The following DAAM2 variants were observed in gnomAD, a reference collection of about 807,000 sequenced individuals.
DAAM2 encodes dishevelled associated activator of morphogenesis 2.
DAAM2 carries 39 observed loss-of-function variants against 120.7 expected under a neutral mutation model. That is an observed-to-expected ratio of 0.32 (90% CI 0.25 to 0.42). DAAM2 has a LOEUF of 0.42. Among genes scored for constraint, DAAM2 ranks in the 10% least tolerant of loss-of-function variants. DAAM2 has a pLI of 1.00. For missense variants in DAAM2, 1,283 were observed against 1,401.7 expected (o/e 0.92, Z 1.35); for synonymous variants, 488 against 524.9 (o/e 0.93, Z 0.96).
intron 1 of DAAM2, among the ~76,000 whole-genome samples, chr6:39,814,043 C>G (rs898355345): frequency 6.6e-5 from 10 of 152,302 alleles, no homozygotes; most frequent in African/African-American, 2.4e-4. Context: ...TCTTTTAAAT[C>G]AAGCTTGTTC....
rs530209451 is a variant in DAAM2, at chr6:39,900,052, G to A, written c.2680-25G>A. 7.5e-6 allele frequency: 12 copies of A among 1,595,552 alleles called. No homozygotes were observed. The Admixed American group carries it at 1.0e-4, about 14-fold the overall frequency. On this transcript the variant is annotated intron_variant, in intron 22 of 24. Coordinates refer to ENST00000274867, the MANE Select transcript of DAAM2 (RefSeq NM_001201427.2). ...GACTCTCATCTTGGCACCAGTCTAA[G>A]CAGCACTTCACCCTCCCTCCTCAGG...
At chr6:39,847,753 C>A (rs893661062) in intron 1 of DAAM2, among the ~76,000 whole-genome samples, 1 of 152,080 alleles carries the variant, frequency 6.6e-6, no homozygotes, top group African/African-American at 2.4e-5. Flanking sequence ...GACTTGCCTC[C>A]CAACTCTTCC....
At chr6:39,833,299 C>T (rs1036449454) in intron 1 of DAAM2, among the ~76,000 whole-genome samples, 1 of 151,846 alleles carries the variant, frequency 6.6e-6, no homozygotes, top group Non-Finnish European at 1.5e-5. Context: ...TTGCTTTGCT[C>T]CCTCCCTTCC....
chr6:39,904,164 A>T lies in DAAM2; in HGVS notation c.*2127A>T, dbSNP rs1404497808. ...GCACCTGGAAACAAAAGGACTATGG[A>T]AGCTGTTCAAGATACATTTGATCTT... is the stretch of plus-strand genomic sequence containing the variant. On this transcript the variant is annotated 3_prime_UTR_variant, in exon 25 of 25. Transcript: ENST00000274867. 1 of 456,326 alleles carries T rather than the reference A, an allele frequency of 2.2e-6. No individual in the cohort carries two copies. Among genetic ancestry groups the T allele is most frequent in the Non-Finnish European group, 4.4e-6 (1 of 226,918 alleles). The allele number at this position is 456,326 out of a possible 1,614,324, so 28.3% of individuals were successfully genotyped here.
chr6:39,878,940 A>G lies in DAAM2; in HGVS notation c.1546-238A>G, dbSNP rs4354147. On this transcript the variant is annotated intron_variant, in intron 13 of 24. Transcript: ENST00000274867. This position sits in a 1 kb window ranked among gnomAD's most constrained non-coding sequence, Gnocchi z 5.0. ...TTGCATTGTGATGGCTATGACTCTGATTGTCCAGTGTCCGTGTGCGTGACG... is the reference window on the plus strand; with the variant it reads ...TTGCATTGTGATGGCTATGACTCTGGTTGTCCAGTGTCCGTGTGCGTGACG... Among the ~76,000 whole-genome samples the G allele has an allele frequency of 0.093, 14,106 of 151,734 alleles. 1,332 individuals are homozygous for G. Among genetic ancestry groups the G allele is most frequent in the African/African-American group, 0.24 (9,868 of 41,292 alleles).
At chr6:39,877,640 C>A (rs1224072843) in intron 11 of DAAM2, among the ~76,000 whole-genome samples, 1 of 152,172 alleles carries the variant, frequency 6.6e-6, no homozygotes, top group Non-Finnish European at 1.5e-5. Context: ...TCTGTTAGGC[C>A]TTGGTGTCAA....
chr6:39,845,645 TCTC>T (rs955705913), intron 1 of DAAM2, among the ~76,000 whole-genome samples: 2 of 151,968 alleles, frequency 1.3e-5, no homozygotes, highest in Admixed American at 1.3e-4. Context: ...ATGTCTTCTC[TCTC>T]CTCCTCCCTC....
chr6:39,795,082 C>A (rs773811241), intron 1 of DAAM2, among the ~76,000 whole-genome samples: 1 of 152,098 alleles, frequency 6.6e-6, no homozygotes, highest in Non-Finnish European at 1.5e-5. Context: ...TCACTATGGC[C>A]GGGATGAATT....
chr6:39,876,567 T>A (rs2149325287), intron 11 of DAAM2, among the ~76,000 whole-genome samples: 1 of 151,736 alleles, frequency 6.6e-6, no homozygotes, highest in East Asian at 1.9e-4. Flanking sequence ...GTAACAGGAG[T>A]CCTAAGATCA....
rs760696066 is a variant in DAAM2, at chr6:39,883,990, A to C, written c.1874A>C (p.Glu625Ala). ...CGTGTCCCTGGCACCGTATGGAATG[A>C]GATTGATGACATGCAGGTATTTCGG... Reference protein sequence around the residue: ...EERVPGTVWNEIDDMQVFRIL... With the variant: ...EERVPGTVWNAIDDMQVFRIL... The change falls in exon 15 of 25, where the codon GAG (glutamate) becomes GCG (alanine). Residue 625 changes from glutamate to alanine, a missense_variant. Glu to Ala is a moderately radical substitution (Grantham distance 107, BLOSUM62 -1). Around this residue, in one of 3 missense-constraint regions of DAAM2, gnomAD observed 748 missense variants for 768.6 expected, o/e 0.97. Coordinates refer to ENST00000274867, the MANE Select transcript of DAAM2 (RefSeq NM_001201427.2). The C allele has an allele frequency of 3.1e-6, 5 of 1,613,416 alleles. No homozygotes were observed. In the South Asian group the frequency reaches 5.5e-5, roughly 18 times the overall value.
chr6:39,831,797 G>C (rs1000934392), intron 1 of DAAM2, among the ~76,000 whole-genome samples: 2 of 55,318 alleles, frequency 3.6e-5, no homozygotes, highest in Non-Finnish European at 6.7e-5. Flanking sequence ...AGGTGCACTG[G>C]GGGGGGGCAG....
Position 39,901,567 on chromosome 6 carries a change from T to A in DAAM2, c.2982+95T>A. On this transcript the variant is annotated intron_variant, in intron 24 of 24. Transcript: ENST00000274867. This position sits in a 1 kb window ranked among gnomAD's most constrained non-coding sequence, Gnocchi z 4.5. ...GGGTGTGTGGGAGGAGGGCAGAGAC[T>A]GAGGAACTGAGGAACACCATAGGGG... 7.7e-7 allele frequency: 1 copy of A among 1,299,830 alleles called. No individual in the cohort carries two copies. Among genetic ancestry groups the A allele is most frequent in the Non-Finnish European group, 1.0e-6 (1 of 953,674 alleles). The allele number at this position is 1,299,830 out of a possible 1,614,324, so 80.5% of individuals were successfully genotyped here.
chr6:39,839,389 C>T (rs1308212855), intron 1 of DAAM2, among the ~76,000 whole-genome samples: 1 of 152,166 alleles, frequency 6.6e-6, no homozygotes, highest in African/African-American at 2.4e-5. Flanking sequence ...CGTAAATGCA[C>T]TAGGTAGACT....
At chr6:39,828,926 CAA>C (rs1762779740) in intron 1 of DAAM2, among the ~76,000 whole-genome samples, 1 of 152,146 alleles carries the variant, frequency 6.6e-6, no homozygotes, top group African/African-American at 2.4e-5. Context: ...GATTAAGTTT[CAA>C]CATATGCATT....
chr6:39,866,754 T>A (rs976350019), intron 5 of DAAM2, among the ~76,000 whole-genome samples: 1 of 152,108 alleles, frequency 6.6e-6, no homozygotes, highest in Admixed American at 6.5e-5. Context: ...TACTGAGGAG[T>A]GTAAATGGTA....
chr6:39,814,636 G>A (rs1762258398), intron 1 of DAAM2, among the ~76,000 whole-genome samples: 1 of 152,260 alleles, frequency 6.6e-6, no homozygotes, highest in Non-Finnish European at 1.5e-5. Context: ...GCAGCTTCTA[G>A]TTCCATGGAA....
intron 16 of DAAM2, 139 bp downstream of exon 16, chr6:39,887,731 G>A: frequency 1.6e-6 from 1 of 621,496 alleles, no homozygotes; most frequent in Non-Finnish European, 2.9e-6. Context: ...TGTCTCTCGG[G>A]AACCTGCCTT....
intron 9 of DAAM2, 150 bp from the exon 10 acceptor site, chr6:39,873,088 T>C: frequency 1.6e-6 from 1 of 617,754 alleles, no homozygotes; most frequent in South Asian, 1.9e-5. Flanking sequence ...CCTGTTCCTT[T>C]TGTCTTTCTC....
Position 39,868,896 on chromosome 6 carries a change from C to T in DAAM2, c.836C>T (p.Ser279Phe), listed in dbSNP as rs551076398. The T allele has an allele frequency of 2.4e-4, 383 of 1,586,610 alleles. 6 individuals carry two copies. In the South Asian group the frequency reaches 4.3e-3, roughly 18 times the overall value. ...DEVNLKTAIM[S>F]FINAVLNAGA... is the part of the protein sequence containing the mutation. ...GTGAATCTGAAAACAGCCATCATGT[C>T]CTTCATCAATGCTGTCCTCAATGCT... The change falls in exon 7 of 25, where the codon TCC becomes TTC. Residue 279 changes from serine to phenylalanine, a missense_variant. By Grantham distance (155) the Ser-to-Phe change is radical. Around this residue, in one of 3 missense-constraint regions of DAAM2, gnomAD observed 338 missense variants for 443.9 expected, o/e 0.76. Coordinates refer to ENST00000274867, the MANE Select transcript of DAAM2 (RefSeq NM_001201427.2).
Sources: gnomAD v4.1 joint callset for allele counts (sites outside exome capture counted in the v4.1 genomes callset) on GRCh38, gnomAD v4.1.1 for gene constraint, gnomAD v4.1.1 regional missense constraint, Gnocchi (gnomAD v3.1) non-coding constraint, MANE v1.5 for transcripts, NCBI Gene and HGNC (gene_info 2026-07-23, HGNC 2026-07-21) for gene names.